The following PLEKHA5 variants were observed in gnomAD, a reference collection of about 807,000 sequenced individuals.
PLEKHA5 encodes the protein pleckstrin homology domain containing A5.
PLEKHA5 carries 55 observed loss-of-function variants against 181.9 expected under a neutral mutation model. The observed-to-expected ratio is 0.30, with a 90% CI of 0.24 to 0.38. The LOEUF (loss-of-function observed/expected upper bound fraction) is 0.38. Among genes scored for constraint, PLEKHA5 ranks in the 10% least tolerant of loss-of-function variants. The pLI, the probability that PLEKHA5 is intolerant of heterozygous loss-of-function variation, is 1.00. For missense variants in PLEKHA5, 1,432 were observed against 1,549.5 expected, an observed-to-expected ratio of 0.92 and a Z score of 1.27; for synonymous variants, 535 against 529.4, an observed-to-expected ratio of 1.01 and a Z score of -0.15.
At chr12:19,228,945 A>C (rs1373397581) in intron 3 of PLEKHA5, among the ~76,000 whole-genome samples, 3 of 152,204 alleles carry the variant, frequency 2.0e-5, no homozygotes, top group Admixed American at 6.5e-5. Flanking sequence ...TAACATTTTC[A>C]ATAGATTTCC....
At chr12:19,216,854 T>C (rs956002455) in intron 3 of PLEKHA5, among the ~76,000 whole-genome samples, 1 of 152,182 alleles carries the variant, frequency 6.6e-6, no homozygotes, top group African/African-American at 2.4e-5. Flanking sequence ...GTCTGCCTGC[T>C]ACTGTTACCT....
intron 7 of PLEKHA5, among the ~76,000 whole-genome samples, chr12:19,261,421 G>A (rs933977981): frequency 7.9e-5 from 12 of 152,114 alleles, no homozygotes; most frequent in African/African-American, 2.9e-4. Flanking sequence ...CTACTATTAT[G>A]TAATGGCAAA....
intron 3 of PLEKHA5, among the ~76,000 whole-genome samples, chr12:19,247,848 C>T (rs1351163321): frequency 1.3e-5 from 2 of 151,308 alleles, no homozygotes; most frequent in African/African-American, 4.9e-5. Context: ...TAAATATGAC[C>T]TGTTTTCTTT....
At chr12:19,181,589 A>T (rs1269170719) in intron 3 of PLEKHA5, among the ~76,000 whole-genome samples, 1 of 152,184 alleles carries the variant, frequency 6.6e-6, no homozygotes, top group Non-Finnish European at 1.5e-5. Context: ...AGCCTGGCCA[A>T]CATGGTGAAA....
chr12:19,307,318 C>A, intron 15 of PLEKHA5: 1 of 333,338 alleles, frequency 3.0e-6, no homozygotes. Context: ...ACTAAAAATT[C>A]AAAATTAGCC....
intron 3 of PLEKHA5, among the ~76,000 whole-genome samples, chr12:19,175,069 T>A (rs372218677): frequency 9.2e-5 from 14 of 152,236 alleles, no homozygotes; most frequent in Admixed American, 1.3e-4. Flanking sequence ...AAATGGCCAA[T>A]TTTTTAGAAG....
chr12:19,231,392 G>A (rs2060514677), intron 3 of PLEKHA5, among the ~76,000 whole-genome samples: 1 of 151,758 alleles, frequency 6.6e-6, no homozygotes, highest in Non-Finnish European at 1.5e-5. Context: ...CAGTTAGAGT[G>A]TAAGTCACAA....
At chr12:19,274,472 C>A in intron 10 of PLEKHA5, 44 bp from the exon 11 acceptor site, 2 of 1,294,818 alleles carry the variant, frequency 1.5e-6, no homozygotes, top group Non-Finnish European at 2.2e-6. Context: ...GTAATATGTA[C>A]ATTATTTCAT....
At chr12:19,230,423 G>C (rs538483485) in intron 3 of PLEKHA5, among the ~76,000 whole-genome samples, 1 of 152,132 alleles carries the variant, frequency 6.6e-6, no homozygotes, top group Non-Finnish European at 1.5e-5. Flanking sequence ...GGTGCTCGTC[G>C]GGGAGGCTTG....
chr12:19,369,586 C>A, intron 30 of PLEKHA5, 107 bp from the exon 31 acceptor site: 3 of 611,980 alleles, frequency 4.9e-6, no homozygotes, highest in South Asian at 2.2e-5. Context: ...CTATTACTTC[C>A]TTCTCAAAAC....
Position 19,322,720 on chromosome 12 carries a change from AT to A in PLEKHA5, c.2448+57del, listed in dbSNP as rs2091176065. 2.8e-5 allele frequency: 36 copies of A among 1,278,482 alleles called. No individual in the cohort carries two copies. The South Asian group carries it at 4.3e-4, about 15-fold the overall frequency. 79.2% of individuals were successfully genotyped at this position (1,278,482 alleles called of 1,614,324 possible). A position where few individuals can be genotyped will look rare whatever the true frequency, so the allele number is the denominator to read the frequency against. The stretch of plus-strand genomic sequence containing the variant: ...AAAAGTAGCTTAAATATGTAGTTCT[AT>A]TTTCTTCTCTTTTTTTTAATACTGG... On this transcript the variant is annotated intron_variant, in intron 20 of 31. Transcript: ENST00000429027.
intron 3 of PLEKHA5, among the ~76,000 whole-genome samples, chr12:19,171,653 C>G (rs1354389528): frequency 6.6e-6 from 1 of 152,190 alleles, no homozygotes. Flanking sequence ...GCCACCATGC[C>G]TGGCCCTTTA....
intron 4 of PLEKHA5, among the ~76,000 whole-genome samples, chr12:19,254,275 T>TAG (rs1409082426): frequency 6.6e-6 from 1 of 152,178 alleles, no homozygotes; most frequent in East Asian, 1.9e-4. Flanking sequence ...GATGCAAGCT[T>TAG]AGAGAAACTG....
chr12:19,296,287 C>G (rs1465254807), intron 15 of PLEKHA5, among the ~76,000 whole-genome samples: 1 of 151,820 alleles, frequency 6.6e-6, no homozygotes, highest in Non-Finnish European at 1.5e-5. Flanking sequence ...TGGCTCACGC[C>G]TGTAATCCCA....
chr12:19,219,697 A>AT (rs1355964363), intron 3 of PLEKHA5, among the ~76,000 whole-genome samples: 1 of 151,526 alleles, frequency 6.6e-6, no homozygotes, highest in Non-Finnish European at 1.5e-5. Context: ...GCTTTAATTG[A>AT]TTTTTTTCCC....
Position 19,246,583 on chromosome 12 carries a change from C to A in PLEKHA5, c.228-7357C>A, listed in dbSNP as rs182511702. On this transcript the variant is annotated intron_variant, in intron 3 of 31. Transcript: ENST00000429027. ...GTTGCATTTAGCCGAGATTGCGCCA[C>A]TGCACTCCAGCCTGGGCAACAGAGC... Among the ~76,000 whole-genome samples the A allele has an allele frequency of 2.1e-3, 312 of 148,746 alleles. 1 individual carries two copies. The highest frequency in any genetic ancestry group is 7.3e-3 in the African/African-American group (296 of 40,358).
chr12:19,149,463 C>T (rs1200899663), intron 3 of PLEKHA5: 1 of 143,634 alleles, frequency 7.0e-6, no homozygotes, highest in African/African-American at 2.6e-5. Flanking sequence ...GAGAGAGCGC[C>T]TCTGTACTCC....
intron 15 of PLEKHA5, among the ~76,000 whole-genome samples, chr12:19,301,908 C>CT (rs2081578237): frequency 6.6e-6 from 1 of 152,176 alleles, no homozygotes; most frequent in African/African-American, 2.4e-5. Context: ...GGTTCTTGGA[C>CT]TTTCAGGTGT....
chr12:19,258,040 TA>T (rs1413722363), intron 6 of PLEKHA5, among the ~76,000 whole-genome samples: 2 of 152,048 alleles, frequency 1.3e-5, no homozygotes, highest in African/African-American at 2.4e-5. Flanking sequence ...TTCTTCCTCT[TA>T]TTTTTTTTGG....
Sources: allele counts gnomAD v4.1 joint callset (sites outside exome capture counted in the v4.1 genomes callset), GRCh38; gene constraint gnomAD v4.1.1; transcripts MANE v1.5; gene names NCBI Gene and HGNC (gene_info 2026-07-23, HGNC 2026-07-21).